Variants in CTNNA3 observed in about 807,000 individuals in gnomAD.
The protein encoded by CTNNA3 is catenin alpha-3.
CTNNA3 carries 76 observed loss-of-function variants against 95.7 expected under a neutral mutation model. The observed-to-expected ratio is 0.79, with a 90% confidence interval of 0.66 to 0.96. The LOEUF is 0.96. Among genes scored for constraint, CTNNA3 ranks in the 40% least tolerant of loss-of-function variants. The pLI is 0.00. For missense variants in CTNNA3, 1,191 were observed against 1,089.8 expected (o/e 1.09, Z -1.31); for synonymous variants, 431 against 374.4 (o/e 1.15, Z -1.74).
At chr10:66,114,609 A>G (rs10822722) in intron 13 of CTNNA3, among the ~76,000 whole-genome samples, 48,345 of 151,520 alleles carry the variant, frequency 0.32, 8,237 homozygotes, top group African/African-American at 0.44. Flanking sequence ...GGTTGGGTAC[A>G]GTGGCTCACA....
chr10:66,828,099 C>T (rs1483580859), intron 7 of CTNNA3, among the ~76,000 whole-genome samples: 1 of 152,174 alleles, frequency 6.6e-6, no homozygotes, highest in East Asian at 1.9e-4. Context: ...AATGTGAACA[C>T]TCAGCTGAAA....
intron 12 of CTNNA3, among the ~76,000 whole-genome samples, chr10:66,348,978 G>C (rs1390762223): frequency 1.3e-5 from 2 of 151,990 alleles, no homozygotes; most frequent in Non-Finnish European, 2.9e-5. Flanking sequence ...CTTTAAGGTG[G>C]CCACCATGAC....
At chr10:66,041,294 AAAGGAG>A (rs2079682890) in intron 15 of CTNNA3, among the ~76,000 whole-genome samples, 1 of 152,228 alleles carries the variant, frequency 6.6e-6, no homozygotes, top group Non-Finnish European at 1.5e-5. Context: ...TGGAGGAGCC[AAAGGAG>A]ATATGGCAGC....
In CTNNA3 at chr10:65,917,543, G is replaced by C. The variant is rs1000016831; in HGVS notation, c.*2787C>G. ...GGTAACCAGGGATGGAACTGCTCCT[G>C]TGGGTGGTAAACACCCCTCTCCTCC... On this transcript the variant is annotated 3_prime_UTR_variant, in exon 18 of 18. Transcript: ENST00000433211. 6.6e-6 allele frequency: 1 copy of C among 151,588 alleles called. No individual in the cohort carries two copies. Among genetic ancestry groups the C allele is most frequent in the Non-Finnish European group, 1.5e-5 (1 of 67,978 alleles). 9.4% of individuals were successfully genotyped at this position (151,588 alleles called of 1,614,324 possible).
chr10:67,148,624 C>T (rs7095442), intron 7 of CTNNA3, among the ~76,000 whole-genome samples: 97,298 of 152,078 alleles, frequency 0.64, 32,152 homozygotes, highest in African/African-American at 0.81. Context: ...AATGAAAATA[C>T]TCAGATAAGA....
Position 67,654,150 on chromosome 10 carries a change from C to T in CTNNA3, c.-5-6632G>A, listed in dbSNP as rs567269904. On this transcript the variant is annotated intron_variant, in intron 1 of 17. Coordinates refer to ENST00000433211, the MANE Select transcript of CTNNA3 (RefSeq NM_013266.4). Reference sequence around the variant, plus strand: ...GTGTCAGGGACACAGAGGTGAGCTCCACCTCCACCACCTCCTTCTAAAAGG... The same window carrying T: ...GTGTCAGGGACACAGAGGTGAGCTCTACCTCCACCACCTCCTTCTAAAAGG... Among the ~76,000 whole-genome samples the T allele has an allele frequency of 9.8e-5, 15 of 152,302 alleles. No individual in the cohort carries two copies. In the South Asian group the frequency reaches 2.1e-3, roughly 21 times the overall value.
chr10:67,139,515 C>T (rs1253993256), intron 7 of CTNNA3, among the ~76,000 whole-genome samples: 1 of 151,694 alleles, frequency 6.6e-6, no homozygotes, highest in South Asian at 2.1e-4. Flanking sequence ...CGGATTCAAG[C>T]AATTCTCCTG....
In CTNNA3 at chr10:66,767,649, G is replaced by C. The variant is rs528683247; in HGVS notation, c.1129-1233C>G. ...TACATTTTAGAGTATTTTTTTAAAA[G>C]AATAGACACTTAGTTTAGTTTTAGA... On this transcript the variant is annotated intron_variant, in intron 8 of 17. Coordinates refer to ENST00000433211, the MANE Select transcript of CTNNA3 (RefSeq NM_013266.4). 2.0e-5 allele frequency among the ~76,000 whole-genome samples: 3 copies of C among 151,746 alleles called. No individual in the cohort carries two copies. The South Asian group carries it at 6.3e-4, about 32-fold the overall frequency.
chr10:67,669,409 T>C (rs545069895), intron 1 of CTNNA3, among the ~76,000 whole-genome samples: 8 of 152,182 alleles, frequency 5.3e-5, no homozygotes, highest in Admixed American at 3.9e-4. Flanking sequence ...AGATTAACTA[T>C]AGAAGGAATG....
chr10:65,924,934 T>G (rs2077143816), intron 17 of CTNNA3, among the ~76,000 whole-genome samples: 1 of 152,150 alleles, frequency 6.6e-6, no homozygotes. Context: ...CCTGTGAGAC[T>G]TATTCACCAT....
At chr10:66,594,501 T>C (rs1407044056) in intron 10 of CTNNA3, among the ~76,000 whole-genome samples, 2 of 152,122 alleles carry the variant, frequency 1.3e-5, no homozygotes, top group Non-Finnish European at 2.9e-5. Context: ...ATCTTCCCTA[T>C]TCCCTACTCA....
chr10:66,908,237 T>C (rs1256515125), intron 7 of CTNNA3, among the ~76,000 whole-genome samples: 1 of 152,224 alleles, frequency 6.6e-6, no homozygotes, highest in Non-Finnish European at 1.5e-5. Context: ...AACTTTGCCC[T>C]TTAGTATACT....
chr10:67,196,923 T>G (rs1184486156), intron 6 of CTNNA3, among the ~76,000 whole-genome samples: 1 of 152,130 alleles, frequency 6.6e-6, no homozygotes, highest in Non-Finnish European at 1.5e-5. Flanking sequence ...TACATGTTTG[T>G]GTTTTACATG....
chr10:66,365,866 C>T (rs1402081275), intron 12 of CTNNA3, among the ~76,000 whole-genome samples: 1 of 151,900 alleles, frequency 6.6e-6, no homozygotes, highest in Admixed American at 6.6e-5. Context: ...GGAACTGAAG[C>T]CTCCTGCCAA....
chr10:66,326,701 TG>T lies in CTNNA3; in HGVS notation c.1733-46081del, dbSNP rs369282715. Among the ~76,000 whole-genome samples the T allele has an allele frequency of 4.5e-4, 69 of 152,156 alleles. 1 individual carries two copies. The South Asian group carries it at 0.014, about 31-fold the overall frequency. On this transcript the variant is annotated intron_variant, in intron 12 of 17. Transcript: ENST00000433211. ...ATGTACATTAAATTCACGTGTGTAT[TG>T]GGGGTAGCGGGAGATCAGACCAGAA...
At chr10:66,109,880 T>G (rs971365469) in intron 13 of CTNNA3, among the ~76,000 whole-genome samples, 2 of 148,820 alleles carry the variant, frequency 1.3e-5, no homozygotes, top group Admixed American at 1.3e-4. Flanking sequence ...AAAAAAAAAC[T>G]ACAAACTTGC....
chr10:66,633,463 G>A (rs984046848), intron 9 of CTNNA3, among the ~76,000 whole-genome samples: 27 of 152,038 alleles, frequency 1.8e-4, no homozygotes, highest in South Asian at 1.2e-3. Context: ...GGCAGATCAC[G>A]AGGTCAGGAG....
chr10:67,210,731 TGG>T (rs143040362), intron 6 of CTNNA3, among the ~76,000 whole-genome samples: 2 of 150,298 alleles, frequency 1.3e-5, no homozygotes, highest in South Asian at 2.1e-4. Flanking sequence ...ATACTGCATA[TGG>T]GGGGGGGCTC....
chr10:66,355,138 T>C (rs1246287052), intron 12 of CTNNA3, among the ~76,000 whole-genome samples: 1 of 152,128 alleles, frequency 6.6e-6, no homozygotes, highest in Non-Finnish European at 1.5e-5. Context: ...GTTAAGTAGA[T>C]ATACGATTTA....
Sources: allele counts gnomAD v4.1 joint callset (sites outside exome capture counted in the v4.1 genomes callset), GRCh38; gene constraint gnomAD v4.1.1; transcripts MANE v1.5; gene names NCBI Gene and HGNC (gene_info 2026-07-23, HGNC 2026-07-21).